Variants in DOCK1 observed in about 807,000 individuals in gnomAD.
DOCK1 encodes dedicator of cytokinesis 1.
Under a neutral mutation model 262.7 loss-of-function variants are expected in DOCK1, and 138 were observed. The ratio of observed to expected loss-of-function variants is 0.53; its 90% CI spans 0.46 to 0.61. DOCK1 has a LOEUF of 0.61. DOCK1 is among the 20% of genes least tolerant of loss of function. DOCK1 has a pLI of 0.00. For synonymous variants in DOCK1, 866 were observed against 867.4 expected (o/e 1.00, Z 0.03); for missense variants, 1,908 against 2,370.7 (o/e 0.80, Z 4.05).
intron 23 of DOCK1, among the ~76,000 whole-genome samples, chr10:127,072,705 C>T (rs2046301313): frequency 6.6e-6 from 1 of 152,182 alleles, no homozygotes; most frequent in East Asian, 1.9e-4. Context: ...CTAATCCCTT[C>T]TGTTCGTGCA....
chr10:127,127,097 G>A (rs1383986723), intron 26 of DOCK1, among the ~76,000 whole-genome samples: 1 of 152,186 alleles, frequency 6.6e-6, no homozygotes. Flanking sequence ...AGAGGAGGTG[G>A]TGATGCTGGG....
In DOCK1 at chr10:126,970,687, CTT is replaced by C; in HGVS notation, c.47-10_47-9del. 1.2e-6 allele frequency: 2 copies of C among 1,600,308 alleles called. No homozygotes were observed. The highest frequency in any genetic ancestry group is 1.7e-6 in the Non-Finnish European group (2 of 1,167,988). On this transcript the variant is annotated splice_polypyrimidine_tract_variant and intron_variant, in intron 1 of 51. Transcript: ENST00000623213. The stretch of plus-strand genomic sequence containing the variant: ...CTTTACTATTACTAATATATTTCCC[CTT>C]TTTTCATCACAGCTTTTTATAACTA...
rs1339405722 is a variant in DOCK1, at chr10:126,948,650, A to G, written c.47-22052A>G. 2.6e-5 allele frequency among the ~76,000 whole-genome samples: 4 copies of G among 151,930 alleles called. No homozygotes were observed. The South Asian group carries it at 6.3e-4, about 24-fold the overall frequency. ...TTTCCCGATGTGGGGTTGCAGGGTC[A>G]GGTATGCTGAGCCAGAGGCACTGCT... On this transcript the variant is annotated intron_variant, in intron 1 of 51. Transcript: ENST00000623213.
intron 26 of DOCK1, among the ~76,000 whole-genome samples, chr10:127,127,392 T>C (rs1249615498): frequency 6.6e-6 from 1 of 152,214 alleles, no homozygotes; most frequent in South Asian, 2.1e-4. Flanking sequence ...TCATAAACAT[T>C]ATATTGTTTA....
At chr10:127,254,606 T>G (rs953526583) in intron 28 of DOCK1, among the ~76,000 whole-genome samples, 6 of 152,220 alleles carry the variant, frequency 3.9e-5, no homozygotes, top group African/African-American at 1.4e-4. Context: ...TTCCTACCTT[T>G]GCAATTGTCA....
intron 33 of DOCK1, among the ~76,000 whole-genome samples, chr10:127,368,744 C>T (rs2065056931): frequency 6.6e-6 from 1 of 152,128 alleles, no homozygotes; most frequent in Middle Eastern, 3.2e-3. Flanking sequence ...GAACCCTGCC[C>T]TCCCGTGGAC....
At chr10:127,077,641 A>G (rs917118182) in intron 23 of DOCK1, among the ~76,000 whole-genome samples, 12 of 152,126 alleles carry the variant, frequency 7.9e-5, no homozygotes, top group African/African-American at 2.2e-4. Flanking sequence ...GGCAGATGCC[A>G]TGAGGAATGT....
At chr10:127,290,674 T>C (rs1470509206) in intron 29 of DOCK1, among the ~76,000 whole-genome samples, 1 of 152,230 alleles carries the variant, frequency 6.6e-6, no homozygotes, top group African/African-American at 2.4e-5. Flanking sequence ...AATGGGCTCA[T>C]ACAGTAGGTA....
At chr10:127,282,874 T>C (rs949652450) in intron 29 of DOCK1, among the ~76,000 whole-genome samples, 1 of 152,234 alleles carries the variant, frequency 6.6e-6, no homozygotes, top group Non-Finnish European at 1.5e-5. Flanking sequence ...TGCAGAGTGA[T>C]AGTGGGGAGC....
At chr10:127,114,699 TG>T (rs2049067114) in intron 25 of DOCK1, among the ~76,000 whole-genome samples, 3 of 152,042 alleles carry the variant, frequency 2.0e-5, no homozygotes, top group Middle Eastern at 6.8e-3. Context: ...GAGTAATGCA[TG>T]CCAGTGTACT....
At chr10:127,249,089 A>G in intron 28 of DOCK1, among the ~76,000 whole-genome samples, 1 of 152,172 alleles carries the variant, frequency 6.6e-6, no homozygotes, top group Non-Finnish European at 1.5e-5. Context: ...GGACCGCTGT[A>G]AAAGAATACT....
At chr10:127,433,255 TCTC>T in intron 47 of DOCK1, 25 bp from the exon 48 acceptor site, 1 of 1,609,420 alleles carries the variant, frequency 6.2e-7, no homozygotes, top group East Asian at 2.2e-5. Flanking sequence ...ATCAAACAAG[TCTC>T]CTTCTCTCTC....
intron 39 of DOCK1, 106 bp downstream of exon 39, chr10:127,403,250 G>A: frequency 2.6e-6 from 3 of 1,161,856 alleles, no homozygotes; most frequent in South Asian, 1.5e-5. Flanking sequence ...AGGCACTCTG[G>A]GACCTTGGCC....
chr10:127,187,055 G>T lies in DOCK1; in HGVS notation c.2847+59291G>T, dbSNP rs769447521. Among the ~76,000 whole-genome samples the T allele has an allele frequency of 2.0e-5, 3 of 152,318 alleles. No homozygotes were observed. The South Asian group carries it at 6.2e-4, about 32-fold the overall frequency. On this transcript the variant is annotated intron_variant, in intron 27 of 51. Coordinates refer to ENST00000623213, the MANE Select transcript of DOCK1 (RefSeq NM_001290223.2). ...CCCCATCTCCTGTCCAGAAGGGAAC[G>T]TGACAATTCACCCCGGGGCAAAACA...
In DOCK1 at chr10:127,439,186, T is replaced by C; in HGVS notation, c.5220T>C (p.Ile1740=). 1 of 1,611,890 alleles carries C rather than the reference T, an allele frequency of 6.2e-7. No individual in the cohort carries two copies. The highest frequency in any genetic ancestry group is 8.5e-7 in the Non-Finnish European group (1 of 1,179,138). ...IFEKEFKPTD[I]SLQQSEAVIL... is the part of the protein sequence containing the mutation. ...AGAAAGAATTTAAACCCACCGACAT[T>C]TCCCTGCAGCAGTCTGAGGCTGTGA... Residue 1740 remains isoleucine, a synonymous_variant, in exon 49 of 52, where the codon ATT becomes ATC. Transcript: ENST00000623213.
intron 1 of DOCK1, among the ~76,000 whole-genome samples, chr10:126,928,174 G>A (rs906484198): frequency 6.6e-6 from 1 of 152,210 alleles, no homozygotes; most frequent in South Asian, 2.1e-4. Flanking sequence ...AGAATAAGCC[G>A]TGAATGGGAG....
At chr10:127,400,917 A>G (rs2067186370) in intron 38 of DOCK1, among the ~76,000 whole-genome samples, 1 of 152,194 alleles carries the variant, frequency 6.6e-6, no homozygotes, top group African/African-American at 2.4e-5. Flanking sequence ...AGCTAATGAA[A>G]GGCCATCAGG....
chr10:127,183,913 T>C (rs2055972755), intron 27 of DOCK1, among the ~76,000 whole-genome samples: 1 of 152,214 alleles, frequency 6.6e-6, no homozygotes, highest in Non-Finnish European at 1.5e-5. Context: ...ACCTCTGTCT[T>C]CTCTGTGCAT....
chr10:127,257,313 G>A (rs778005533), intron 28 of DOCK1, 22 bp from the exon 29 acceptor site: 3 of 1,551,468 alleles, frequency 1.9e-6, no homozygotes, highest in Admixed American at 1.9e-5. Flanking sequence ...GGCCATTTCA[G>A]TGTTTTGTTT....
Sources: allele counts gnomAD v4.1 joint callset (sites outside exome capture counted in the v4.1 genomes callset), GRCh38; gene constraint gnomAD v4.1.1; transcripts MANE v1.5; gene names NCBI Gene and HGNC (gene_info 2026-07-23, HGNC 2026-07-21).